The following KCNH7 variants were observed in gnomAD, a reference collection of about 807,000 sequenced individuals.
The protein encoded by KCNH7 is potassium voltage-gated channel subfamily H member 7, also known as voltage-gated inwardly rectifying potassium channel KCNH7.
KCNH7 carries 49 observed loss-of-function variants against 120.8 expected under a neutral mutation model. The observed-to-expected ratio is 0.41, with a 90% confidence interval of 0.32 to 0.51. The LOEUF (loss-of-function observed/expected upper bound fraction) is 0.51, where lower values mean the gene tolerates loss of function less well. KCNH7 is among the 20% of genes least tolerant of loss of function. The probability of loss-of-function intolerance (pLI) is 0.38; values close to 1 mark genes in which losing one functional copy is unlikely to be tolerated. For synonymous variants in KCNH7, 547 were observed against 516.1 expected, an observed-to-expected ratio of 1.06 and a Z score of -0.81; for missense variants, 1,097 against 1,446.6, an observed-to-expected ratio of 0.76 and a Z score of 3.92.
At chr2:162,552,107 C>T (rs2105859484) in intron 2 of KCNH7, among the ~76,000 whole-genome samples, 1 of 152,244 alleles carries the variant, frequency 6.6e-6, no homozygotes, top group South Asian at 2.1e-4. Context: ...AATGTTAATA[C>T]ACTCATTAGA....
intron 2 of KCNH7, among the ~76,000 whole-genome samples, chr2:162,616,251 T>C (rs1683136136): frequency 1.3e-5 from 2 of 152,216 alleles, no homozygotes; most frequent in South Asian, 4.1e-4. Context: ...CTATGACCCT[T>C]ACATTGTAAT....
At chr2:162,586,915 C>G (rs999766468) in intron 2 of KCNH7, among the ~76,000 whole-genome samples, 1 of 151,924 alleles carries the variant, frequency 6.6e-6, no homozygotes, top group Admixed American at 6.6e-5. Context: ...ATCGTCATGA[C>G]CAAAATTTAG....
At chr2:162,588,063 T>A (rs1338793155) in intron 2 of KCNH7, among the ~76,000 whole-genome samples, 1 of 152,052 alleles carries the variant, frequency 6.6e-6, no homozygotes, top group African/African-American at 2.4e-5. Context: ...GCCTCCTTCC[T>A]CCCATCGCTC....
At chr2:162,584,523 G>T (rs1693965789) in intron 2 of KCNH7, among the ~76,000 whole-genome samples, 1 of 152,092 alleles carries the variant, frequency 6.6e-6, no homozygotes, top group African/African-American at 2.4e-5. Flanking sequence ...AATATCAAAA[G>T]AATCTTGTTA....
intron 2 of KCNH7, among the ~76,000 whole-genome samples, chr2:162,546,166 GC>G (rs1429664122): frequency 1.3e-5 from 2 of 152,142 alleles, no homozygotes; most frequent in Non-Finnish European, 2.9e-5. Context: ...TAATTTTGGA[GC>G]TTTGTGGATT....
At chr2:162,754,118 A>G (rs1166463931) in intron 2 of KCNH7, among the ~76,000 whole-genome samples, 1 of 152,170 alleles carries the variant, frequency 6.6e-6, no homozygotes, top group East Asian at 1.9e-4. Flanking sequence ...CCTTAGAAAT[A>G]GCCTTTTATT....
chr2:162,806,957 G>A (rs1421466349), intron 2 of KCNH7, among the ~76,000 whole-genome samples: 1 of 151,786 alleles, frequency 6.6e-6, no homozygotes, highest in Non-Finnish European at 1.5e-5. Flanking sequence ...AGTTATGTTG[G>A]AAATCATTAA....
Position 162,384,938 on chromosome 2 carries a change from T to A in KCNH7, c.2712A>T (p.Glu904Asp). The change falls in exon 13 of 16, where the codon GAA becomes GAT. Residue 904 changes from glutamate to aspartate, a missense_variant and splice_region_variant. Coordinates refer to ENST00000332142, the MANE Select transcript of KCNH7 (RefSeq NM_033272.4). ...KLSFESEGEK[E>D]NSTNDPEDSA... ...AGTCTTCAGGATCATTTGTACTGTT[T>A]TCTTTGCCAAAATATATCAAAGAAA... The A allele has an allele frequency of 6.3e-7, 1 of 1,595,966 alleles. No homozygotes were observed. Among genetic ancestry groups the A allele is most frequent in the Non-Finnish European group, 8.5e-7 (1 of 1,171,662 alleles).
intron 13 of KCNH7, among the ~76,000 whole-genome samples, chr2:162,382,998 G>T (rs558854961): frequency 6.6e-6 from 1 of 151,982 alleles, no homozygotes; most frequent in East Asian, 1.9e-4. Flanking sequence ...TACTAAATTT[G>T]TTAGAATATA....
chr2:162,710,604 T>C (rs1245754404), intron 2 of KCNH7, among the ~76,000 whole-genome samples: 3 of 152,142 alleles, frequency 2.0e-5, no homozygotes, highest in Admixed American at 6.6e-5. Flanking sequence ...GATCACAGAC[T>C]CAAAAGCCTT....
chr2:162,395,024 C>A lies in KCNH7; in HGVS notation c.2614-539G>T, dbSNP rs547214120. Among the ~76,000 whole-genome samples, 14 of 151,832 alleles carry A rather than the reference C, an allele frequency of 9.2e-5. 1 individual carries two copies. The highest frequency in any genetic ancestry group is 9.2e-4 in the Admixed American group (14 of 15,220). The stretch of plus-strand genomic sequence containing the variant: ...ACTTAATTAATGGTAAATATATATC[C>A]TCATCCTTATGATTTTTTAATAATA... On this transcript the variant is annotated intron_variant, in intron 11 of 15. Coordinates refer to ENST00000332142, the MANE Select transcript of KCNH7 (RefSeq NM_033272.4).
intron 2 of KCNH7, among the ~76,000 whole-genome samples, chr2:162,580,474 C>T (rs1435837455): frequency 6.6e-6 from 1 of 152,060 alleles, no homozygotes; most frequent in Non-Finnish European, 1.5e-5. Context: ...AGGAGGGACA[C>T]AGCACAAAAT....
chr2:162,574,453 A>G (rs548291319), intron 2 of KCNH7, among the ~76,000 whole-genome samples: 57 of 152,110 alleles, frequency 3.7e-4, no homozygotes, highest in African/African-American at 1.2e-3. Context: ...AGTTGGCTCA[A>G]TAGAATGGTA....
At chr2:162,377,218 C>A in intron 14 of KCNH7, among the ~76,000 whole-genome samples, 1 of 149,770 alleles carries the variant, frequency 6.7e-6, no homozygotes, top group African/African-American at 2.5e-5. Context: ...TTAAAAACCG[C>A]AGTGGAGTAA....
intron 2 of KCNH7, among the ~76,000 whole-genome samples, chr2:162,749,515 G>A (rs1274588895): frequency 6.6e-6 from 1 of 152,110 alleles, no homozygotes; most frequent in Non-Finnish European, 1.5e-5. Flanking sequence ...TATATAACAT[G>A]TTATGGAAGT....
chr2:162,430,489 G>C (rs1190288905), intron 8 of KCNH7, among the ~76,000 whole-genome samples: 1 of 152,034 alleles, frequency 6.6e-6, no homozygotes, highest in Non-Finnish European at 1.5e-5. Context: ...AACTCCGTAA[G>C]ACTGCTGGGG....
At chr2:162,589,113 A>T (rs970660028) in intron 2 of KCNH7, among the ~76,000 whole-genome samples, 5 of 152,104 alleles carry the variant, frequency 3.3e-5, no homozygotes, top group African/African-American at 1.2e-4. Context: ...CCTTTACCTC[A>T]CAAGGCTGAT....
chr2:162,722,780 T>C (rs953144265), intron 2 of KCNH7, among the ~76,000 whole-genome samples: 7 of 150,236 alleles, frequency 4.7e-5, no homozygotes, highest in Non-Finnish European at 1.5e-5. Flanking sequence ...CATCATCATG[T>C]TTTCTTCAAT....
At chr2:162,482,498 C>G (rs1224388813) in intron 6 of KCNH7, among the ~76,000 whole-genome samples, 1 of 151,956 alleles carries the variant, frequency 6.6e-6, no homozygotes, top group Admixed American at 6.6e-5. Flanking sequence ...TATATTAAAG[C>G]GAGTTCATGT....
Sources: allele counts gnomAD v4.1 joint callset (sites outside exome capture counted in the v4.1 genomes callset), GRCh38; gene constraint gnomAD v4.1.1; transcripts MANE v1.5; gene names NCBI Gene and HGNC (gene_info 2026-07-23, HGNC 2026-07-21).